PDE4D: variants seen among roughly 807,000 people sequenced by gnomAD.
PDE4D encodes 3',5'-cyclic-AMP phosphodiesterase 4D.
PDE4D carries 24 observed loss-of-function variants against 87.4 expected under a neutral mutation model. The ratio of observed to expected loss-of-function variants is 0.27; its 90% confidence interval spans 0.20 to 0.39. PDE4D has a LOEUF of 0.39. Among genes scored for constraint, PDE4D ranks in the 10% least tolerant of loss-of-function variants. PDE4D has a pLI of 1.00. For synonymous variants in PDE4D, 384 were observed against 383.2 expected (o/e 1.00, Z -0.02); for missense variants, 714 against 1,041.0 (o/e 0.69, Z 4.32).
chr5:59,726,986 C>A (rs1043776582), intron 1 of PDE4D, among the ~76,000 whole-genome samples: 1 of 151,974 alleles, frequency 6.6e-6, no homozygotes, highest in Non-Finnish European at 1.5e-5. Flanking sequence ...AAGGGAGATA[C>A]ATTCTTATCT....
At chr5:60,331,086 G>A (rs761547145) in intron 1 of PDE4D, among the ~76,000 whole-genome samples, 1 of 152,178 alleles carries the variant, frequency 6.6e-6, no homozygotes, top group African/African-American at 2.4e-5. Context: ...GTCACCAAGT[G>A]CAAGGACCAG....
At chr5:59,509,748 G>GA (rs536739872) in intron 1 of PDE4D, among the ~76,000 whole-genome samples, 1 of 149,844 alleles carries the variant, frequency 6.7e-6, no homozygotes, top group South Asian at 2.1e-4. Flanking sequence ...AATAATGCCA[G>GA]AAAAGACGTG....
intron 2 of PDE4D, among the ~76,000 whole-genome samples, chr5:60,019,363 A>C (rs1025826540): frequency 1.3e-5 from 2 of 152,206 alleles, no homozygotes; most frequent in South Asian, 2.1e-4. Context: ...CAGCTGCATT[A>C]GCCCTAAGAG....
chr5:59,560,398 CCATTCATT>C (rs757462859), intron 1 of PDE4D, among the ~76,000 whole-genome samples: 12 of 152,060 alleles, frequency 7.9e-5, no homozygotes, highest in Admixed American at 3.9e-4. Context: ...CAAAAAAAAC[CCATTCATT>C]CATTCACTCA....
intron 1 of PDE4D, among the ~76,000 whole-genome samples, chr5:60,197,568 T>G (rs1741417078): frequency 6.6e-6 from 1 of 151,588 alleles, no homozygotes. Context: ...CAGATCTTAC[T>G]TGAGGTAGGT....
At chr5:60,134,062 T>C (rs1422997580) in intron 2 of PDE4D, among the ~76,000 whole-genome samples, 1 of 152,248 alleles carries the variant, frequency 6.6e-6, no homozygotes, top group Non-Finnish European at 1.5e-5. Context: ...GTTAGATATG[T>C]GATCTGCTGG....
intron 2 of PDE4D, among the ~76,000 whole-genome samples, chr5:60,112,445 C>T (rs1777773214): frequency 6.6e-6 from 1 of 152,060 alleles, no homozygotes; most frequent in Admixed American, 6.6e-5. Context: ...TGATAAACAA[C>T]ATGACTCACT....
intron 5 of PDE4D, among the ~76,000 whole-genome samples, chr5:59,079,138 C>T (rs947054421): frequency 6.6e-6 from 1 of 152,108 alleles, no homozygotes; most frequent in African/African-American, 2.4e-5. Flanking sequence ...GGCAGATATA[C>T]ACCATATTGT....
intron 1 of PDE4D, among the ~76,000 whole-genome samples, chr5:59,484,431 T>C (rs1300143105): frequency 2.0e-5 from 3 of 152,206 alleles, no homozygotes; most frequent in East Asian, 3.8e-4. Context: ...GACTCCCCTA[T>C]CATTTGAGTG....
chr5:59,348,926 A>T lies in PDE4D; in HGVS notation c.456-132958T>A, dbSNP rs868233206. On this transcript the variant is annotated intron_variant, in intron 1 of 14. Coordinates refer to ENST00000340635, the MANE Select transcript of PDE4D (RefSeq NM_001104631.2). ...GGGCAAAACAGACTCTAAAATATAT[A>T]TTTTTTAAGCCAGGAATGGTAGGGT... is the stretch of plus-strand genomic sequence containing the variant. 3.9e-5 allele frequency among the ~76,000 whole-genome samples: 6 copies of T among 151,920 alleles called. No homozygotes were observed. In the South Asian group the frequency reaches 1.3e-3, roughly 32 times the overall value.
intron 2 of PDE4D, among the ~76,000 whole-genome samples, chr5:60,169,583 G>C (rs1783233388): frequency 6.6e-6 from 1 of 151,928 alleles, no homozygotes; most frequent in Non-Finnish European, 1.5e-5. Flanking sequence ...CTGAATAAAG[G>C]CAAGAGATGA....
intron 3 of PDE4D, chr5:59,987,470 T>C (rs1343405841): frequency 2.6e-5 from 4 of 152,174 alleles, no homozygotes; most frequent in Non-Finnish European, 1.5e-5. Flanking sequence ...TCCCTTAGAC[T>C]GGTCAATAAC....
intron 1 of PDE4D, among the ~76,000 whole-genome samples, chr5:59,853,007 C>T (rs1744909363): frequency 6.6e-6 from 1 of 152,168 alleles, no homozygotes; most frequent in East Asian, 1.9e-4. Flanking sequence ...TCTCTCTGGG[C>T]TCTTCTCCTT....
chr5:59,598,286 A>G (rs1307564815), intron 1 of PDE4D, among the ~76,000 whole-genome samples: 1 of 152,150 alleles, frequency 6.6e-6, no homozygotes. Context: ...CATTTTTAAG[A>G]TTTCTCCTCT....
chr5:59,260,968 T>C (rs1432439016), intron 1 of PDE4D, among the ~76,000 whole-genome samples: 1 of 141,542 alleles, frequency 7.1e-6, no homozygotes, highest in Admixed American at 7.1e-5. Context: ...GGATAGTAAA[T>C]GGGATGGGTT....
chr5:60,193,105 ATTAAC>A (rs1194500151), intron 1 of PDE4D, among the ~76,000 whole-genome samples: 1 of 152,110 alleles, frequency 6.6e-6, no homozygotes, highest in African/African-American at 2.4e-5. Flanking sequence ...TTGGGTGTCA[ATTAAC>A]TTACCTCTTT....
At chr5:60,248,103 G>C (rs565758933) in intron 1 of PDE4D, among the ~76,000 whole-genome samples, 1 of 152,078 alleles carries the variant, frequency 6.6e-6, no homozygotes, top group East Asian at 1.9e-4. Flanking sequence ...AAGAAGATAG[G>C]GTAAGTGGAG....
intron 1 of PDE4D, among the ~76,000 whole-genome samples, chr5:60,462,116 C>A (rs1276162730): frequency 2.6e-5 from 4 of 152,150 alleles, no homozygotes; most frequent in Admixed American, 2.0e-4. Context: ...CTCCATGGAA[C>A]CAGCAGTCTG....
At chr5:60,302,455 T>A (rs1753986791) in intron 1 of PDE4D, among the ~76,000 whole-genome samples, 1 of 152,228 alleles carries the variant, frequency 6.6e-6, no homozygotes, top group African/African-American at 2.4e-5. Context: ...TATATATACA[T>A]AGAGGTGTTT....
Sources: gnomAD v4.1 joint callset for allele counts (sites outside exome capture counted in the v4.1 genomes callset) on GRCh38, gnomAD v4.1.1 for gene constraint, MANE v1.5 for transcripts, NCBI Gene and HGNC (gene_info 2026-07-23, HGNC 2026-07-21) for gene names.